SLCO1A2: variants seen among roughly 807,000 people sequenced by gnomAD.
SLCO1A2 encodes OATP-1.
Under a neutral mutation model 69.0 loss-of-function variants are expected in SLCO1A2, and 67 were observed. That is an observed-to-expected ratio of 0.97 (90% CI 0.80 to 1.19). The LOEUF (loss-of-function observed/expected upper bound fraction) is 1.19, where lower values mean the gene tolerates loss of function less well. Among genes scored for constraint, SLCO1A2 ranks in the 50% most tolerant of loss-of-function variants. SLCO1A2 has a pLI of 0.00. For missense variants in SLCO1A2, 787 were observed against 793.7 expected (o/e 0.99, Z 0.10); for synonymous variants, 260 against 265.9 (o/e 0.98, Z 0.22).
In SLCO1A2 at chr12:21,269,619, C is replaced by T. The variant is rs150224028; in HGVS notation, c.1942G>A (p.Glu648Lys). Residue 648 changes from glutamate (E) to lysine (K), a missense_variant, in exon 15 of 15, where the codon GAA becomes AAA. Transcript: ENST00000683939. The stretch of plus-strand genomic sequence containing the variant: ...TGGTATATATCTTTGCACTCATTTT[C>T]CTTCCCTTTGACTTTTGTCTCTATA... ...ELIETKVKGK[E>K]NECKDIYQKS... The T allele has an allele frequency of 1.6e-4, 251 of 1,612,616 alleles. 1 individual carries two copies. In the African/African-American group the frequency reaches 2.1e-3, roughly 13 times the overall value.
chr12:21,372,041 C>A (rs896347616), intron 2 of SLCO1A2, among the ~76,000 whole-genome samples: 1 of 151,238 alleles, frequency 6.6e-6, no homozygotes, highest in Non-Finnish European at 1.5e-5. Context: ...GAAAGAAATA[C>A]AAGAAAAAGA....
chr12:21,316,443 G>A (rs1950874296), intron 3 of SLCO1A2, among the ~76,000 whole-genome samples: 1 of 151,734 alleles, frequency 6.6e-6, no homozygotes, highest in Non-Finnish European at 1.5e-5. Flanking sequence ...GTCTAAATTT[G>A]TTAGTGCCCT....
At chr12:21,383,236 CT>C (rs964131302) in intron 1 of SLCO1A2, among the ~76,000 whole-genome samples, 4 of 152,028 alleles carry the variant, frequency 2.6e-5, no homozygotes, top group Admixed American at 1.3e-4. Flanking sequence ...GGTAGCACAT[CT>C]TTTTTTTCTT....
At chr12:21,283,194 C>T (rs574235604) in intron 12 of SLCO1A2, among the ~76,000 whole-genome samples, 13 of 152,162 alleles carry the variant, frequency 8.5e-5, no homozygotes, top group Admixed American at 7.2e-4. Context: ...GTAACCAAAA[C>T]AGCATGGTAC....
chr12:21,367,761 G>A (rs1166805368), intron 2 of SLCO1A2, among the ~76,000 whole-genome samples: 1 of 151,640 alleles, frequency 6.6e-6, no homozygotes, highest in Non-Finnish European at 1.5e-5. Flanking sequence ...GACATAGAAG[G>A]CAACTGGAAG....
chr12:21,296,798 G>A (rs1463502701), intron 9 of SLCO1A2, among the ~76,000 whole-genome samples: 1 of 152,210 alleles, frequency 6.6e-6, no homozygotes, highest in East Asian at 1.9e-4. Context: ...GTGTGTCTGA[G>A]GGGGAACCCC....
chr12:21,302,351 C>T (rs184576434), intron 6 of SLCO1A2, among the ~76,000 whole-genome samples: 1 of 152,202 alleles, frequency 6.6e-6, no homozygotes, highest in South Asian at 2.1e-4. Flanking sequence ...CCTCTTTTTA[C>T]ATTTCTTCCT....
chr12:21,313,626 C>T (rs1200140347), intron 4 of SLCO1A2, among the ~76,000 whole-genome samples: 1 of 152,114 alleles, frequency 6.6e-6, no homozygotes, highest in African/African-American at 2.4e-5. Flanking sequence ...GCAGGAGAAT[C>T]ACTTGACCCA....
At chr12:21,323,947 G>C (rs1424826026) in intron 2 of SLCO1A2, among the ~76,000 whole-genome samples, 7 of 152,120 alleles carry the variant, frequency 4.6e-5, no homozygotes, top group Non-Finnish European at 8.8e-5. Context: ...TTAACAGAAG[G>C]GCATTTGCAG....
intron 4 of SLCO1A2, among the ~76,000 whole-genome samples, chr12:21,313,431 G>C (rs1012338093): frequency 6.6e-6 from 1 of 152,206 alleles, no homozygotes; most frequent in Non-Finnish European, 1.5e-5. Context: ...ACAGAGGCAA[G>C]GCTTGGCCAG....
chr12:21,292,353 TA>T lies in SLCO1A2; in HGVS notation c.1438-18del. The stretch of plus-strand genomic sequence containing the variant: ...TTGGAACACCTGCCAAAAAATAACA[TA>T]TTATACTAAGAAGTAAAAATCTTGA... On this transcript the variant is annotated intron_variant, in intron 11 of 14. Transcript: ENST00000683939. The T allele has an allele frequency of 6.3e-7, 1 of 1,597,540 alleles. No individual in the cohort carries two copies. The highest frequency in any genetic ancestry group is 2.2e-5 in the East Asian group (1 of 44,692).
chr12:21,322,685 G>A (rs1951780920), intron 2 of SLCO1A2, among the ~76,000 whole-genome samples: 1 of 152,134 alleles, frequency 6.6e-6, no homozygotes, highest in South Asian at 2.1e-4. Flanking sequence ...AGTCTGTGTT[G>A]ATGTTAGTTC....
intron 14 of SLCO1A2, among the ~76,000 whole-genome samples, chr12:21,273,503 T>C (rs1943259591): frequency 6.6e-6 from 1 of 152,218 alleles, no homozygotes; most frequent in Admixed American, 6.5e-5. Flanking sequence ...CACCATTTCA[T>C]TGACCAGTCT....
intron 1 of SLCO1A2, among the ~76,000 whole-genome samples, chr12:21,392,144 T>C (rs1941189169): frequency 6.6e-6 from 1 of 152,220 alleles, no homozygotes; most frequent in African/African-American, 2.4e-5. Context: ...ATCTGCAGTA[T>C]CTTTGGTGGG....
At chr12:21,400,058 G>T (rs886582789), upstream of SLCO1A2, among the ~76,000 whole-genome samples, 54 of 151,276 alleles carry the variant, frequency 3.6e-4, no homozygotes, top group South Asian at 6.5e-3. Context: ...CTTCTGCACA[G>T]CGAAAGAAAC....
chr12:21,309,843 G>A (rs1423595735), intron 4 of SLCO1A2, among the ~76,000 whole-genome samples: 1 of 152,186 alleles, frequency 6.6e-6, no homozygotes, highest in East Asian at 1.9e-4. Flanking sequence ...CAGGCCTAGA[G>A]AATTCCAAGT....
At chr12:21,317,127 T>C (rs1398027017) in intron 3 of SLCO1A2, among the ~76,000 whole-genome samples, 5 of 152,168 alleles carry the variant, frequency 3.3e-5, no homozygotes, top group Admixed American at 2.0e-4. Context: ...TCATATGGTG[T>C]TAGAATGCTA....
At position 21,404,540 on chromosome 12, in the gene SLCO1A2, T is replaced by C. The variant is rs900468162; in HGVS notation, c.-312+13342A>G. ...CTGAGGATAATGGCTTCCAGCTCCA[T>C]CCATGTCCCTGCAAAGGACATGATC... On this transcript the variant is annotated intron_variant, in intron 1 of 4. Coordinates refer to the SLCO1A2 transcript ENST00000413682. Among the ~76,000 whole-genome samples the C allele has an allele frequency of 3.3e-5, 5 of 152,160 alleles. No individual in the cohort carries two copies. In the East Asian group the frequency reaches 9.6e-4, roughly 29 times the overall value.
At chr12:21,297,991 AAAG>A (rs1947998093) in intron 8 of SLCO1A2, among the ~76,000 whole-genome samples, 1 of 152,198 alleles carries the variant, frequency 6.6e-6, no homozygotes, top group Non-Finnish European at 1.5e-5. Flanking sequence ...TCGAGTTGAT[AAAG>A]AAGATTTCAC....
Sources: gnomAD v4.1 joint callset for allele counts (sites outside exome capture counted in the v4.1 genomes callset) on GRCh38, gnomAD v4.1.1 for gene constraint, MANE v1.5 for transcripts, NCBI Gene and HGNC (gene_info 2026-07-23, HGNC 2026-07-21) for gene names.